The following DAG1 variants were observed in gnomAD, a reference collection of about 807,000 sequenced individuals.
The protein encoded by DAG1 is dystroglycan 1 (dystrophin-associated glycoprotein 1).
In DAG1, 8 loss-of-function variants were observed where a neutral mutation model predicts 46.1. That is an observed-to-expected ratio of 0.17 (90% CI 0.10 to 0.31). DAG1 has a LOEUF of 0.31. Among genes scored for constraint, DAG1 ranks in the 10% least tolerant of loss-of-function variants. DAG1 has a pLI of 1.00. For synonymous variants in DAG1, 495 were observed against 481.8 expected (o/e 1.03, Z -0.36); for missense variants, 1,003 against 1,189.9 (o/e 0.84, Z 2.31).
chr3:49,497,998 A>G (rs1367567495), intron 1 of DAG1, among the ~76,000 whole-genome samples: 1 of 152,198 alleles, frequency 6.6e-6, no homozygotes, highest in African/African-American at 2.4e-5. Flanking sequence ...GTGATAAGTG[A>G]GAATTTGTAA....
chr3:49,509,638 T>C (rs547659479), intron 1 of DAG1, among the ~76,000 whole-genome samples: 2 of 152,286 alleles, frequency 1.3e-5, no homozygotes, highest in East Asian at 3.9e-4. Flanking sequence ...AACAGAAATA[T>C]AACATGAGCC....
chr3:49,477,064 C>T (rs1353429712), intron 1 of DAG1, among the ~76,000 whole-genome samples: 1 of 151,608 alleles, frequency 6.6e-6, no homozygotes, highest in Non-Finnish European at 1.5e-5. Context: ...ATGGTGTGAT[C>T]TTGGCTCACT....
intron 1 of DAG1, among the ~76,000 whole-genome samples, chr3:49,485,729 A>G (rs1488224186): frequency 1.2e-4 from 16 of 137,968 alleles, no homozygotes; most frequent in African/African-American, 4.4e-4. Flanking sequence ...TGGCATGATC[A>G]TGGCTCACTG....
At chr3:49,474,380 C>T (rs968131619) in intron 1 of DAG1, among the ~76,000 whole-genome samples, 4 of 151,332 alleles carry the variant, frequency 2.6e-5, no homozygotes, top group South Asian at 2.1e-4. Context: ...GAGTTTCGCT[C>T]CTTTGCCCAG....
chr3:49,515,410 A>G (rs1198010172), intron 2 of DAG1, among the ~76,000 whole-genome samples: 1 of 136,180 alleles, frequency 7.3e-6, no homozygotes, highest in Non-Finnish European at 1.6e-5. Context: ...TTTTTGAGAC[A>G]GGGTCTTGCT....
chr3:49,469,653 A>G (rs2049454500), upstream of DAG1, among the ~76,000 whole-genome samples: 1 of 152,170 alleles, frequency 6.6e-6, no homozygotes, highest in African/African-American at 2.4e-5. Context: ...GCGAGGCTCT[A>G]GGAGATGAGC....
chr3:49,521,856 G>GT (rs1332129354), intron 2 of DAG1, among the ~76,000 whole-genome samples: 159 of 142,554 alleles, frequency 1.1e-3, no homozygotes, highest in Admixed American at 1.6e-3. Flanking sequence ...TTAGACCTTT[G>GT]TTTTTTTTTT....
chr3:49,515,362 T>A (rs555795301), intron 2 of DAG1, among the ~76,000 whole-genome samples: 24 of 151,326 alleles, frequency 1.6e-4, no homozygotes, highest in African/African-American at 5.8e-4. Context: ...ATGTAACTTT[T>A]AATGGCTGCC....
At chr3:49,471,292 A>G (rs1275983930) in intron 1 of DAG1, among the ~76,000 whole-genome samples, 1 of 152,138 alleles carries the variant, frequency 6.6e-6, no homozygotes, top group African/African-American at 2.4e-5. Flanking sequence ...TAGAAGCCAG[A>G]CTCCGTGAAG....
chr3:49,505,935 G>C (rs1349985581), intron 1 of DAG1, among the ~76,000 whole-genome samples: 1 of 149,450 alleles, frequency 6.7e-6, no homozygotes, highest in African/African-American at 2.5e-5. Context: ...CCCCCAAGGT[G>C]CTGGAATTAC....
In DAG1 at chr3:49,474,348, C is replaced by T. The variant is rs529207052; in HGVS notation, c.-117+3915C>T. On this transcript the variant is annotated intron_variant, in intron 1 of 2. Coordinates refer to ENST00000308775, the MANE Select transcript of DAG1 (RefSeq NM_004393.6). Reference sequence around the variant, plus strand: ...GGATTACAGGCGTGAGCCACCGCACCCGGCTAATTTTTTTTGAGGTGGAGT... The same window carrying T: ...GGATTACAGGCGTGAGCCACCGCACTCGGCTAATTTTTTTTGAGGTGGAGT... Among the ~76,000 whole-genome samples, 15 of 151,682 alleles carry T rather than the reference C, an allele frequency of 9.9e-5. No individual in the cohort carries two copies. In the South Asian group the frequency reaches 2.9e-3, roughly 29 times the overall value.
intron 1 of DAG1, among the ~76,000 whole-genome samples, chr3:49,482,339 T>C (rs368656916): frequency 1.1e-4 from 16 of 152,254 alleles, no homozygotes; most frequent in African/African-American, 3.8e-4. Flanking sequence ...GGGTCTATGC[T>C]GAGGTGGATT....
rs757032530 is a variant in DAG1 at position 49,532,537 on chromosome 3, G to C, written c.2026G>C (p.Gly676Arg). 13 of 1,613,624 alleles carry C rather than the reference G, an allele frequency of 8.1e-6. No homozygotes were observed. The Admixed American group carries it at 1.2e-4, about 14-fold the overall frequency. The change falls in exon 3 of 3, where the codon GGG (glycine) becomes CGG (arginine). Residue 676 changes from glycine to arginine, a missense_variant. Gly to Arg is a moderately radical substitution (Grantham distance 125, BLOSUM62 -2). Around this residue, in one of 3 missense-constraint regions of DAG1, gnomAD observed 755 missense variants for 854.1 expected, o/e 0.88. Transcript: ENST00000308775. The surrounding 1 kb of genome is among the most constrained non-coding windows in gnomAD (Gnocchi z 5.4). ...LEPCPKEQIA[G>R]LSRRIAEDDG... The stretch of plus-strand genomic sequence containing the variant: ...GCCCTGCCCCAAGGAGCAGATCGCT[G>C]GGCTGAGCCGCCGGATCGCTGAGGA...
chr3:49,515,684 C>T (rs2050880272), intron 2 of DAG1, among the ~76,000 whole-genome samples: 1 of 152,182 alleles, frequency 6.6e-6, no homozygotes. Flanking sequence ...CACGCCCAGC[C>T]TGCCCACTAT....
intron 1 of DAG1, among the ~76,000 whole-genome samples, chr3:49,481,354 G>C (rs1188948586): frequency 6.9e-6 from 1 of 145,076 alleles, no homozygotes; most frequent in Non-Finnish European, 1.5e-5. Flanking sequence ...CTGAGATAGT[G>C]CCATTGCACT....
At chr3:49,478,221 C>T (rs2049742568) in intron 1 of DAG1, among the ~76,000 whole-genome samples, 1 of 148,470 alleles carries the variant, frequency 6.7e-6, no homozygotes, top group Admixed American at 6.8e-5. Flanking sequence ...TTGCAGTGAG[C>T]CGAGATCGTG....
At chr3:49,496,298 T>C (rs1394573441) in intron 1 of DAG1, among the ~76,000 whole-genome samples, 3 of 151,776 alleles carry the variant, frequency 2.0e-5, no homozygotes, top group Admixed American at 1.3e-4. Flanking sequence ...TCAGGCCAAG[T>C]AGCTGGGACT....
At chr3:49,497,733 G>A (rs187248636) in intron 1 of DAG1, among the ~76,000 whole-genome samples, 35 of 152,330 alleles carry the variant, frequency 2.3e-4, no homozygotes, top group African/African-American at 8.4e-4. Context: ...TTAACGCAGT[G>A]TATGGACTTC....
chr3:49,481,808 G>A (rs1404319115), intron 1 of DAG1, among the ~76,000 whole-genome samples: 1 of 152,142 alleles, frequency 6.6e-6, no homozygotes, highest in African/African-American at 2.4e-5. Context: ...TTTTGTATAT[G>A]AGGTATGAGA....
Sources: allele counts gnomAD v4.1 joint callset (sites outside exome capture counted in the v4.1 genomes callset), GRCh38; gene constraint gnomAD v4.1.1; regional missense constraint gnomAD v4.1.1; non-coding constraint Gnocchi (gnomAD v3.1); transcripts MANE v1.5; gene names NCBI Gene and HGNC (gene_info 2026-07-23, HGNC 2026-07-21).